The following PSD3 variants were observed in gnomAD, a reference collection of about 807,000 sequenced individuals.
PSD3 encodes the protein PH and SEC7 domain-containing protein 3.
Under a neutral mutation model 105.5 loss-of-function variants are expected in PSD3, and 49 were observed. That is an observed-to-expected ratio of 0.46 (90% CI 0.37 to 0.59). The LOEUF is 0.59. Among genes scored for constraint, PSD3 ranks in the 20% least tolerant of loss-of-function variants. The pLI, the probability that PSD3 is intolerant of heterozygous loss-of-function variation, is 0.00. For missense variants in PSD3, 1,561 were observed against 1,263.8 expected (o/e 1.24, Z -3.57); for synonymous variants, 557 against 457.8 (o/e 1.22, Z -2.77).
chr8:18,745,912 T>A (rs990345006), intron 9 of PSD3, among the ~76,000 whole-genome samples: 1 of 147,044 alleles, frequency 6.8e-6, no homozygotes, highest in South Asian at 2.1e-4. Flanking sequence ...ATCTATAGTA[T>A]GTTTGTTTAT....
intron 11 of PSD3, among the ~76,000 whole-genome samples, chr8:18,616,516 C>A (rs1295625290): frequency 6.6e-6 from 1 of 152,118 alleles, no homozygotes; most frequent in Non-Finnish European, 1.5e-5. Flanking sequence ...GAAACATTCA[C>A]CATCTATTCT....
At chr8:18,615,325 A>T (rs1326299378) in intron 11 of PSD3, among the ~76,000 whole-genome samples, 2 of 152,102 alleles carry the variant, frequency 1.3e-5, no homozygotes, top group Admixed American at 6.5e-5. Context: ...AAATTAGTCA[A>T]TCGGAATTAG....
intron 1 of PSD3, among the ~76,000 whole-genome samples, chr8:19,044,516 T>C (rs1307627321): frequency 1.3e-5 from 2 of 152,222 alleles, no homozygotes; most frequent in African/African-American, 4.8e-5. Context: ...AATAATATTA[T>C]ATCAATTATA....
At chr8:18,956,585 T>A (rs1411568735) in intron 1 of PSD3, among the ~76,000 whole-genome samples, 4 of 152,188 alleles carry the variant, frequency 2.6e-5, no homozygotes, top group Admixed American at 1.3e-4. Context: ...CTTAAAAGAA[T>A]CAGATTAATA....
At chr8:18,727,537 T>TAA (rs11397776) in intron 9 of PSD3, among the ~76,000 whole-genome samples, 5,268 of 143,134 alleles carry the variant, frequency 0.037, 309 homozygotes, top group African/African-American at 0.12. Flanking sequence ...ATAGCTAAAT[T>TAA]AAAAAAAAAT....
In PSD3 at chr8:18,535,941, C is replaced by A. The variant is rs762698574; in HGVS notation, c.2946G>T (p.Met982Ile). Reference sequence around the variant, plus strand: ...CTCCTTCCTTGAGAATGCTGACATACATTTCATAGCGGGTTTTCTGAAGGC... The same window carrying A: ...CTCCTTCCTTGAGAATGCTGACATAAATTTCATAGCGGGTTTTCTGAAGGC... ...YLEFEKTRYE[M>I]YVSILKEGGK... Residue 982 changes from methionine to isoleucine, a missense_variant, in exon 16 of 16, where the codon ATG (methionine) becomes ATT (isoleucine). Met to Ile is a conservative substitution (Grantham distance 10). Coordinates refer to ENST00000327040, the MANE Select transcript of PSD3 (RefSeq NM_015310.4). The A allele has an allele frequency of 1.9e-6, 3 of 1,614,120 alleles. No homozygotes were observed. Among genetic ancestry groups the A allele is most frequent in the Admixed American group, 3.3e-5 (2 of 60,022 alleles).
chr8:18,895,919 C>T (rs897034989), intron 2 of PSD3, among the ~76,000 whole-genome samples: 12 of 152,196 alleles, frequency 7.9e-5, no homozygotes, highest in Non-Finnish European at 1.6e-4. Context: ...CTAGCTGTAC[C>T]TTTGTATCCT....
chr8:18,819,098 C>G (rs1010956708), intron 4 of PSD3, among the ~76,000 whole-genome samples: 15 of 152,102 alleles, frequency 9.9e-5, no homozygotes. Context: ...CTGTTCATAT[C>G]AAAACAACTG....
At chr8:18,664,255 T>C (rs1217095840) in intron 9 of PSD3, among the ~76,000 whole-genome samples, 1 of 152,116 alleles carries the variant, frequency 6.6e-6, no homozygotes, top group Admixed American at 6.5e-5. Flanking sequence ...GTTAACCAAG[T>C]TGTAAATGAA....
chr8:18,951,797 A>C (rs7018065), intron 1 of PSD3, among the ~76,000 whole-genome samples: 51,976 of 151,666 alleles, frequency 0.34, 9,112 homozygotes, highest in Middle Eastern at 0.53. Flanking sequence ...CCAACCTGCC[A>C]AACATGGTGA....
intron 9 of PSD3, among the ~76,000 whole-genome samples, chr8:18,730,684 A>C (rs1302070729): frequency 6.6e-6 from 1 of 152,232 alleles, no homozygotes; most frequent in Non-Finnish European, 1.5e-5. Flanking sequence ...TTAAAATACC[A>C]GTAGCAGCTA....
intron 4 of PSD3, among the ~76,000 whole-genome samples, chr8:18,841,454 T>G (rs1319931937): frequency 2.2e-5 from 3 of 133,686 alleles, no homozygotes; most frequent in Admixed American, 8.1e-5. Context: ...TTTTTAAGAG[T>G]GTCTGCTATT....
intron 9 of PSD3, among the ~76,000 whole-genome samples, chr8:18,751,557 T>C (rs1363750855): frequency 1.3e-5 from 2 of 151,416 alleles, no homozygotes; most frequent in Non-Finnish European, 2.9e-5. Context: ...AGGCACAAAG[T>C]GAAATGATCA....
intron 15 of PSD3, among the ~76,000 whole-genome samples, chr8:18,542,070 A>G (rs1800183763): frequency 6.6e-6 from 1 of 152,084 alleles, no homozygotes; most frequent in Non-Finnish European, 1.5e-5. Context: ...TCTCTTACGT[A>G]GTAGTACATG....
intron 12 of PSD3, among the ~76,000 whole-genome samples, chr8:18,584,459 T>A (rs766327320): frequency 4.6e-5 from 7 of 152,232 alleles, no homozygotes; most frequent in Non-Finnish European, 1.0e-4. Context: ...GCTAGTACCA[T>A]CTTTACAATA....
intron 15 of PSD3, among the ~76,000 whole-genome samples, chr8:18,554,140 C>T (rs921444901): frequency 6.6e-6 from 1 of 152,192 alleles, no homozygotes; most frequent in East Asian, 1.9e-4. Context: ...TGCAGCCACC[C>T]CCCACCTCCT....
intron 6 of PSD3, 92 bp from the exon 7 acceptor site, chr8:18,801,474 TATTA>T (rs1292382159): frequency 1.9e-5 from 13 of 689,698 alleles, no homozygotes; most frequent in East Asian, 1.1e-4. Context: ...AAACCTAAGA[TATTA>T]ATTATACAAA....
At chr8:19,038,619 C>T (rs567732506) in intron 1 of PSD3, among the ~76,000 whole-genome samples, 39 of 152,134 alleles carry the variant, frequency 2.6e-4, no homozygotes, top group African/African-American at 8.9e-4. Flanking sequence ...TACCACCATG[C>T]CCAGCTAATT....
intron 2 of PSD3, among the ~76,000 whole-genome samples, chr8:18,891,474 A>T: frequency 6.6e-6 from 1 of 152,136 alleles, no homozygotes; most frequent in Admixed American, 6.5e-5. Context: ...TATTTGAGAT[A>T]CAGCAATTTT....
Sources: allele counts gnomAD v4.1 joint callset (sites outside exome capture counted in the v4.1 genomes callset), GRCh38; gene constraint gnomAD v4.1.1; transcripts MANE v1.5; gene names NCBI Gene and HGNC (gene_info 2026-07-23, HGNC 2026-07-21).